RAB31: variants seen among roughly 807,000 people sequenced by gnomAD.
The protein encoded by RAB31 is ras-related protein Rab-31.
RAB31 carries 21 observed loss-of-function variants against 25.6 expected under a neutral mutation model. The observed-to-expected ratio is 0.82, with a 90% CI of 0.58 to 1.18. The LOEUF (loss-of-function observed/expected upper bound fraction) is 1.18, where lower values mean the gene tolerates loss of function less well. Ranked by LOEUF, RAB31 falls within the 50% of genes most tolerant of loss-of-function variation. The probability of loss-of-function intolerance (pLI) is 0.00; values close to 1 mark genes in which losing one functional copy is unlikely to be tolerated. For synonymous variants in RAB31, 87 were observed against 84.0 expected, an observed-to-expected ratio of 1.04 and a Z score of -0.20; for missense variants, 196 against 250.1, an observed-to-expected ratio of 0.78 and a Z score of 1.46.
At chr18:9,728,831 A>T (rs1177761504) in intron 1 of RAB31, among the ~76,000 whole-genome samples, 1 of 152,054 alleles carries the variant, frequency 6.6e-6, no homozygotes. Flanking sequence ...GAGCCACCCC[A>T]CCCAACCATG....
chr18:9,793,240 A>AT (rs368388873), intron 3 of RAB31, among the ~76,000 whole-genome samples: 43 of 145,676 alleles, frequency 3.0e-4, no homozygotes, highest in South Asian at 6.5e-4. Context: ...CACCTGGCTG[A>AT]TTTTTTTTTT....
In RAB31 at chr18:9,814,063, C is replaced by T. The variant is rs2068588836; in HGVS notation, c.245C>T (p.Ala82Val). The T allele has an allele frequency of 2.5e-6, 4 of 1,593,106 alleles. No individual in the cohort carries two copies. In the South Asian group the frequency reaches 4.5e-5, roughly 18 times the overall value. ...ATGTACTATCGAGGCTCAGCTGCAG[C>T]TGTTATCGTGTATGATATTACCAAG... is the stretch of plus-strand genomic sequence containing the variant. ...APMYYRGSAA[A>V]VIVYDITKQD... Residue 82 changes from alanine (A) to valine (V), a missense_variant, in exon 4 of 7, where the codon GCT (alanine) becomes GTT (valine). By Grantham distance (64) the Ala-to-Val change is moderately conservative. Coordinates refer to ENST00000578921, the MANE Select transcript of RAB31 (RefSeq NM_006868.4).
chr18:9,721,731 G>A (rs114082282), intron 1 of RAB31, among the ~76,000 whole-genome samples: 9 of 152,222 alleles, frequency 5.9e-5, no homozygotes, highest in African/African-American at 2.2e-4. Flanking sequence ...GGGGTTGGGG[G>A]AATAGCAGGT....
chr18:9,830,006 A>ATAT (rs201291302), intron 5 of RAB31, among the ~76,000 whole-genome samples: 3,721 of 150,592 alleles, frequency 0.025, 121 homozygotes, highest in East Asian at 0.11. Flanking sequence ...CTTTTAAAAA[A>ATAT]TATTATTATT....
In RAB31 at chr18:9,731,341, A is replaced by G. The variant is rs1169540610; in HGVS notation, c.39+22897A>G. ...CTTCCATTTTGCTGTTTTTTTGGACATTAAATAATTTATTACCTCTACCAG... is the reference window on the plus strand; with the variant it reads ...CTTCCATTTTGCTGTTTTTTTGGACGTTAAATAATTTATTACCTCTACCAG... On this transcript the variant is annotated intron_variant, in intron 1 of 6. Transcript: ENST00000578921. 4.6e-5 allele frequency among the ~76,000 whole-genome samples: 7 copies of G among 152,288 alleles called. No homozygotes were observed. In the East Asian group the frequency reaches 9.6e-4, roughly 21 times the overall value.
chr18:9,855,789 G>A (rs1344183189), intron 6 of RAB31, among the ~76,000 whole-genome samples: 1 of 152,074 alleles, frequency 6.6e-6, no homozygotes, highest in East Asian at 1.9e-4. Flanking sequence ...TGAGAGTTTT[G>A]TAGATGAGAT....
At chr18:9,826,894 A>G (rs1201120217) in intron 5 of RAB31, among the ~76,000 whole-genome samples, 2 of 152,102 alleles carry the variant, frequency 1.3e-5, no homozygotes, top group Non-Finnish European at 2.9e-5. Flanking sequence ...AGCATATCCT[A>G]TCCCACCCTG....
intron 2 of RAB31, among the ~76,000 whole-genome samples, chr18:9,782,449 A>G (rs1429526700): frequency 6.6e-6 from 1 of 152,214 alleles, no homozygotes; most frequent in Non-Finnish European, 1.5e-5. Context: ...TAAAAGAGTT[A>G]ACTCTTATGG....
chr18:9,824,448 A>G (rs954287715), intron 5 of RAB31, among the ~76,000 whole-genome samples: 6 of 151,134 alleles, frequency 4.0e-5, no homozygotes, highest in South Asian at 2.1e-4. Flanking sequence ...GTGTGTGTAG[A>G]TGTGTGTGTG....
At chr18:9,811,960 T>A (rs1464945635) in intron 3 of RAB31, among the ~76,000 whole-genome samples, 1 of 152,232 alleles carries the variant, frequency 6.6e-6, no homozygotes, top group Admixed American at 6.5e-5. Context: ...CACACGTTGA[T>A]TTCTTACCAT....
rs145500462 is a variant in RAB31, at chr18:9,745,309, A to C, written c.40-29969A>C. On this transcript the variant is annotated intron_variant, in intron 1 of 6. Coordinates refer to ENST00000578921, the MANE Select transcript of RAB31 (RefSeq NM_006868.4). ...AAGTAAGGAGAATCAGTAATCAAAA[A>C]CCTCCCAAAAGAAAGGCTCAGGACC... Among the ~76,000 whole-genome samples, 370 of 152,240 alleles carry C rather than the reference A, an allele frequency of 2.4e-3. 4 individuals are homozygous for C. Among genetic ancestry groups the C allele is most frequent in the African/African-American group, 8.6e-3 (359 of 41,514 alleles).
chr18:9,804,952 T>C (rs1414749019), intron 3 of RAB31, among the ~76,000 whole-genome samples: 1 of 152,184 alleles, frequency 6.6e-6, no homozygotes, highest in East Asian at 1.9e-4. Flanking sequence ...ATAGACTCCC[T>C]TAGAGCTATG....
chr18:9,805,740 T>C (rs1447182662), intron 3 of RAB31, among the ~76,000 whole-genome samples: 5 of 152,218 alleles, frequency 3.3e-5, no homozygotes. Flanking sequence ...GTTTGTTGAA[T>C]GAATGAATAC....
intron 2 of RAB31, among the ~76,000 whole-genome samples, chr18:9,790,236 A>G (rs1237540211): frequency 6.6e-6 from 1 of 151,908 alleles, no homozygotes; most frequent in Non-Finnish European, 1.5e-5. Context: ...TTGTGGGGGT[A>G]GGGGGTACAG....
chr18:9,719,336 T>TATATATATATATAA (rs1175080967), intron 1 of RAB31, among the ~76,000 whole-genome samples: 1 of 83,904 alleles, frequency 1.2e-5, no homozygotes, highest in East Asian at 4.6e-4. Context: ...TATAAATAAA[T>TATATATATATATAA]AAATTTGATC....
At chr18:9,733,610 C>T (rs2068134347) in intron 1 of RAB31, among the ~76,000 whole-genome samples, 1 of 152,174 alleles carries the variant, frequency 6.6e-6, no homozygotes, top group Non-Finnish European at 1.5e-5. Context: ...AGCCTCATTC[C>T]ATTTTCCTGG....
chr18:9,859,383 C>A lies in RAB31; in HGVS notation c.*58C>A. ...GCCAGAGCCCACATCCTGTGCACTG[C>A]TGAAGGACCCTACGCTCGGTGGCCT... is the stretch of plus-strand genomic sequence containing the variant. On this transcript the variant is annotated 3_prime_UTR_variant, in exon 7 of 7. Transcript: ENST00000578921. The A allele has an allele frequency of 6.9e-7, 1 of 1,444,540 alleles. No homozygotes were observed. Among genetic ancestry groups the A allele is most frequent in the South Asian group, 1.2e-5 (1 of 86,146 alleles). The allele number at this position is 1,444,540 out of a possible 1,614,324, so 89.5% of individuals were successfully genotyped here. A position where few individuals can be genotyped will look rare whatever the true frequency, so the allele number is the denominator to read the frequency against.
chr18:9,851,637 G>A (rs1275741559), intron 6 of RAB31, among the ~76,000 whole-genome samples: 1 of 152,138 alleles, frequency 6.6e-6, no homozygotes, highest in African/African-American at 2.4e-5. Flanking sequence ...GTGGTTTATT[G>A]TAACATTATT....
chr18:9,797,930 G>C (rs565203124), intron 3 of RAB31, among the ~76,000 whole-genome samples: 64 of 152,310 alleles, frequency 4.2e-4, no homozygotes, highest in Non-Finnish European at 7.9e-4. Flanking sequence ...GTAGTTTGTA[G>C]TTTGTTCCAC....
Sources: allele counts gnomAD v4.1 joint callset (sites outside exome capture counted in the v4.1 genomes callset), GRCh38; gene constraint gnomAD v4.1.1; transcripts MANE v1.5; gene names NCBI Gene and HGNC (gene_info 2026-07-23, HGNC 2026-07-21).